Variants in PLCE1 observed in about 807,000 individuals in gnomAD.
PLCE1 encodes the protein phospholipase C epsilon 1, also known as 1-phosphatidylinositol 4,5-bisphosphate phosphodiesterase epsilon-1.
A neutral mutation model predicts 242.8 loss-of-function variants in PLCE1; 119 were observed. The observed-to-expected ratio is 0.49, with a 90% confidence interval of 0.42 to 0.57. The LOEUF (loss-of-function observed/expected upper bound fraction) is 0.57. Ranked by LOEUF, PLCE1 falls within the 20% of genes least tolerant of loss-of-function variation. The probability of loss-of-function intolerance (pLI) is 0.00; values close to 1 mark genes in which losing one functional copy is unlikely to be tolerated. For synonymous variants in PLCE1, 945 were observed against 1,017.4 expected (o/e 0.93, Z 1.35); for missense variants, 2,441 against 2,788.8 (o/e 0.88, Z 2.81).
chr10:94,324,649 A>G (rs2053942468), intron 31 of PLCE1, 82 bp downstream of exon 31: 1 of 1,222,916 alleles, frequency 8.2e-7, no homozygotes, highest in African/African-American at 1.5e-5. Flanking sequence ...GAAGCTGGTG[A>G]AATTTAGGAG....
chr10:94,050,661 A>G (rs549913496), intron 2 of PLCE1, among the ~76,000 whole-genome samples: 13 of 152,310 alleles, frequency 8.5e-5, no homozygotes, highest in Non-Finnish European at 1.5e-4. Context: ...GAGTTGAACT[A>G]TAAGTGTAAT....
chr10:94,306,585 C>A lies in PLCE1; in HGVS notation c.5781C>A (p.His1927Gln). Reference protein sequence around the residue: ...NPMWNEQFLFHVHFEDLVFLR... With the variant: ...NPMWNEQFLFQVHFEDLVFLR... Reference sequence around the variant, plus strand: ...TGTGGAACGAGCAGTTTCTGTTCCACGTTCACTTCGAAGATCTTGTATTTC... The same window carrying A: ...TGTGGAACGAGCAGTTTCTGTTCCAAGTTCACTTCGAAGATCTTGTATTTC... Residue 1927 changes from histidine (H) to glutamine (Q), a missense_variant, in exon 26 of 33, where the codon CAC (histidine) becomes CAA (glutamine). His to Gln is a conservative substitution (Grantham distance 24). This residue lies in a region of PLCE1 where 1,004 missense variants were observed against 1,322.7 expected (regional missense o/e 0.76). Transcript: ENST00000371380. This position sits in a 1 kb window ranked among gnomAD's most constrained non-coding sequence, Gnocchi z 5.7. 1 of 1,614,046 alleles carries A rather than the reference C, an allele frequency of 6.2e-7. No homozygotes were observed. The highest frequency in any genetic ancestry group is 8.5e-7 in the Non-Finnish European group (1 of 1,179,930).
In PLCE1 at chr10:94,304,586, A is replaced by C. The variant is rs1436598076; in HGVS notation, c.5563A>C (p.Lys1855Gln). The part of the protein sequence containing the change: ...LWDKNCPMYQ[K>Q]FSPLERDLDS... Reference sequence around the variant, plus strand: ...GGACAAGAACTGCCCCATGTATCAGAAGTTTTCTCCACTAGAAAGAGATCT... The same window carrying C: ...GGACAAGAACTGCCCCATGTATCAGCAGTTTTCTCCACTAGAAAGAGATCT... The change falls in exon 25 of 33, where the codon AAG becomes CAG. Residue 1855 changes from lysine to glutamine, a missense_variant. Transcript: ENST00000371380. 2 of 1,614,104 alleles carry C rather than the reference A, an allele frequency of 1.2e-6. No homozygotes were observed. Among genetic ancestry groups the C allele is most frequent in the South Asian group, 2.2e-5 (2 of 91,086 alleles).
chr10:94,191,262 T>C (rs1278941354), intron 4 of PLCE1, among the ~76,000 whole-genome samples: 1 of 152,166 alleles, frequency 6.6e-6, no homozygotes, highest in Non-Finnish European at 1.5e-5. Flanking sequence ...CACACTTGAA[T>C]TGACATTTGC....
At chr10:94,193,192 A>G (rs555633366) in intron 4 of PLCE1, among the ~76,000 whole-genome samples, 6 of 152,216 alleles carry the variant, frequency 3.9e-5, no homozygotes, top group Non-Finnish European at 8.8e-5. Flanking sequence ...GTGAGGAAGA[A>G]AAGTTTTAGC....
At position 94,304,518 on chromosome 10, in the gene PLCE1, C is replaced by A. The variant is rs2053139148; in HGVS notation, c.5495C>A (p.Ala1832Glu). ...PLHLNAAMFE[A>E]NGGCGYVLKP... ...CATTTAAATGCTGCAATGTTTGAGG[C>A]AAATGGTGGTTGTGGTTATGTATTG... The change falls in exon 25 of 33, where the codon GCA becomes GAA. Residue 1832 changes from alanine (A) to glutamate (E), a missense_variant. By Grantham distance (107) the Ala-to-Glu change is moderately radical. This residue lies in a region of PLCE1 where 1,004 missense variants were observed against 1,322.7 expected (regional missense o/e 0.76). Transcript: ENST00000371380. 6.2e-6 allele frequency: 10 copies of A among 1,614,044 alleles called. No homozygotes were observed. Among genetic ancestry groups the A allele is most frequent in the East Asian group, 2.2e-5 (1 of 44,878 alleles).
intron 19 of PLCE1, among the ~76,000 whole-genome samples, chr10:94,276,819 T>G (rs1371770710): frequency 2.0e-5 from 3 of 152,196 alleles, no homozygotes; most frequent in Non-Finnish European, 2.9e-5. Context: ...CACAACTTAC[T>G]TGTTCCTTAT....
At chr10:94,007,612 A>G (rs1339524692) in intron 1 of PLCE1, among the ~76,000 whole-genome samples, 1 of 139,960 alleles carries the variant, frequency 7.1e-6, no homozygotes, top group Non-Finnish European at 1.5e-5. Context: ...TGGTGTTTCC[A>G]GAAGAGTGAA....
At chr10:94,024,927 C>T (rs945849703) in intron 1 of PLCE1, among the ~76,000 whole-genome samples, 6 of 152,234 alleles carry the variant, frequency 3.9e-5, no homozygotes, top group African/African-American at 1.4e-4. Context: ...ATACTACCCC[C>T]ACCTTTTTAG....
At chr10:94,069,175 C>A (rs1306032257) in intron 2 of PLCE1, among the ~76,000 whole-genome samples, 1 of 152,186 alleles carries the variant, frequency 6.6e-6, no homozygotes, top group Non-Finnish European at 1.5e-5. Context: ...TCTTTTTGCC[C>A]ACCATATCAG....
chr10:94,169,038 T>A (rs910058725), intron 3 of PLCE1, among the ~76,000 whole-genome samples: 1 of 152,190 alleles, frequency 6.6e-6, no homozygotes, highest in Non-Finnish European at 1.5e-5. Flanking sequence ...GAACCAAATA[T>A]AATTTAATAG....
chr10:94,300,930 C>T (rs2053011990), intron 24 of PLCE1, among the ~76,000 whole-genome samples: 1 of 152,040 alleles, frequency 6.6e-6, no homozygotes, highest in African/African-American at 2.4e-5. Context: ...TGGGGCTTGG[C>T]GGTGTATGCC....
intron 3 of PLCE1, among the ~76,000 whole-genome samples, chr10:94,166,289 T>G (rs932607158): frequency 2.6e-5 from 4 of 152,224 alleles, no homozygotes; most frequent in African/African-American, 9.7e-5. Context: ...TTGGATAATA[T>G]CCTAGAAGTA....
chr10:94,289,675 A>G (rs930033800), intron 22 of PLCE1, among the ~76,000 whole-genome samples: 2 of 152,226 alleles, frequency 1.3e-5, no homozygotes. Context: ...AAGGTACAGT[A>G]AAATTATGAC....
intron 4 of PLCE1, among the ~76,000 whole-genome samples, chr10:94,180,896 G>A (rs2048290445): frequency 6.6e-6 from 1 of 152,222 alleles, no homozygotes; most frequent in Non-Finnish European, 1.5e-5. Flanking sequence ...GCACCTTGTG[G>A]AGCTCCCAGG....
At chr10:94,178,078 C>G (rs2048179861) in intron 4 of PLCE1, among the ~76,000 whole-genome samples, 1 of 152,176 alleles carries the variant, frequency 6.6e-6, no homozygotes, top group Non-Finnish European at 1.5e-5. Flanking sequence ...GCATCTACAG[C>G]TGGTCCTTGG....
Position 94,159,604 on chromosome 10 carries a change from TTTC to T in PLCE1, c.1493-11571_1493-11569del, listed in dbSNP as rs540219561. ...AGTAGATAGAATAAGTTTTTCCTAC[TTTC>T]TTCTCTAATTGTAACTTTTTTTAAA... On this transcript the variant is annotated intron_variant, in intron 3 of 32. Transcript: ENST00000371380. Among the ~76,000 whole-genome samples, 248 of 152,278 alleles carry T rather than the reference TTTC, an allele frequency of 1.6e-3. 2 individuals carry two copies. The highest frequency in any genetic ancestry group is 5.2e-3 in the Admixed American group (80 of 15,292).
At chr10:94,067,666 T>C (rs1474108337) in intron 2 of PLCE1, among the ~76,000 whole-genome samples, 1 of 152,084 alleles carries the variant, frequency 6.6e-6, no homozygotes, top group African/African-American at 2.4e-5. Flanking sequence ...GAGGGAGCAA[T>C]TACTTGTGCA....
At chr10:94,271,439 T>C (rs927666063) in intron 18 of PLCE1, among the ~76,000 whole-genome samples, 1 of 149,554 alleles carries the variant, frequency 6.7e-6, no homozygotes, top group African/African-American at 2.5e-5. Flanking sequence ...CTCAGCCTCC[T>C]GAGTAGCTGG....
Sources: gnomAD v4.1 joint callset for allele counts (sites outside exome capture counted in the v4.1 genomes callset) on GRCh38, gnomAD v4.1.1 for gene constraint, gnomAD v4.1.1 regional missense constraint, Gnocchi (gnomAD v3.1) non-coding constraint, MANE v1.5 for transcripts, NCBI Gene and HGNC (gene_info 2026-07-23, HGNC 2026-07-21) for gene names.